The following STK32B variants were observed in gnomAD, a reference collection of about 807,000 sequenced individuals.
STK32B encodes the protein serine/threonine kinase 32B, also known as serine/threonine-protein kinase 32B.
In STK32B, 43 loss-of-function variants were observed where a neutral mutation model predicts 52.6. The ratio of observed to expected loss-of-function variants is 0.82; its 90% CI spans 0.64 to 1.05. The LOEUF is 1.05. Ranked by LOEUF, STK32B falls within the 50% of genes least tolerant of loss-of-function variation. The pLI is 0.00. For missense variants in STK32B, 621 were observed against 534.6 expected (o/e 1.16, Z -1.59); for synonymous variants, 238 against 204.3 (o/e 1.17, Z -1.41).
At chr4:5,365,437 C>T (rs553229717) in intron 4 of STK32B, among the ~76,000 whole-genome samples, 2 of 152,128 alleles carry the variant, frequency 1.3e-5, no homozygotes, top group South Asian at 4.2e-4. Context: ...GCAATTAGAA[C>T]CTCTAACATT....
At chr4:5,354,265 A>G (rs1477235914) in intron 4 of STK32B, among the ~76,000 whole-genome samples, 1 of 152,130 alleles carries the variant, frequency 6.6e-6, no homozygotes, top group Non-Finnish European at 1.5e-5. Context: ...GAAGAAAAAT[A>G]GATCTATGTG....
At chr4:5,494,600 G>T (rs995268660) in intron 11 of STK32B, among the ~76,000 whole-genome samples, 18 of 152,260 alleles carry the variant, frequency 1.2e-4, no homozygotes, top group Non-Finnish European at 2.4e-4. Flanking sequence ...TGTTATGTGT[G>T]AATTTGATCC....
chr4:5,147,664 A>G (rs774865323), intron 2 of STK32B, among the ~76,000 whole-genome samples: 8 of 152,090 alleles, frequency 5.3e-5, no homozygotes, highest in Non-Finnish European at 7.4e-5. Flanking sequence ...CTTTTTGTGC[A>G]TTGGTTGAAA....
intron 4 of STK32B, among the ~76,000 whole-genome samples, chr4:5,362,097 A>G (rs1314653132): frequency 6.6e-6 from 1 of 152,194 alleles, no homozygotes; most frequent in Non-Finnish European, 1.5e-5. Flanking sequence ...GAGAGACTTC[A>G]TCATCATCAA....
intron 3 of STK32B, among the ~76,000 whole-genome samples, chr4:5,188,287 C>T (rs961874068): frequency 2.6e-5 from 4 of 152,100 alleles, no homozygotes; most frequent in Admixed American, 6.6e-5. Flanking sequence ...CCCAAAGAGC[C>T]GCAGAAATAG....
Position 5,403,771 on chromosome 4 carries a change from A to G in STK32B, c.472+5527A>G, listed in dbSNP as rs377547763. 8.5e-5 allele frequency among the ~76,000 whole-genome samples: 13 copies of G among 152,150 alleles called. 1 individual carries two copies. Among genetic ancestry groups the G allele is most frequent in the East Asian group, 5.8e-4 (3 of 5,184 alleles). The stretch of plus-strand genomic sequence containing the variant: ...TGCCAGGAGGAAGAGACTCCAGGAA[A>G]TTAAAAAATTAGGCATGTACTGCTT... On this transcript the variant is annotated intron_variant, in intron 5 of 11. Coordinates refer to ENST00000282908, the MANE Select transcript of STK32B (RefSeq NM_018401.3).
intron 4 of STK32B, among the ~76,000 whole-genome samples, chr4:5,338,822 A>T (rs1023812167): frequency 6.6e-6 from 1 of 152,210 alleles, no homozygotes; most frequent in Non-Finnish European, 1.5e-5. Context: ...AATGTTTTAA[A>T]GTCTACTAGG....
intron 3 of STK32B, among the ~76,000 whole-genome samples, chr4:5,322,828 A>C (rs1731605510): frequency 6.6e-6 from 1 of 152,214 alleles, no homozygotes; most frequent in Admixed American, 6.5e-5. Context: ...TTCCAACTCC[A>C]GATTTCCCCC....
At chr4:5,334,212 C>T (rs1469050192) in intron 4 of STK32B, among the ~76,000 whole-genome samples, 3 of 151,816 alleles carry the variant, frequency 2.0e-5, no homozygotes, top group East Asian at 1.9e-4. Context: ...AAGTTGGATT[C>T]CTAGGTATTT....
the STK32B span, among the ~76,000 whole-genome samples, chr4:5,044,726 G>A: frequency 6.6e-6 from 1 of 152,144 alleles, no homozygotes; most frequent in Non-Finnish European, 1.5e-5. Flanking sequence ...GGGAAACACA[G>A]TGAGACCCCT....
At chr4:5,451,921 TCGCC>T (rs1317380158) in intron 7 of STK32B, among the ~76,000 whole-genome samples, 24 of 152,112 alleles carry the variant, frequency 1.6e-4, no homozygotes, top group Non-Finnish European at 3.2e-4. Flanking sequence ...CAAGGAACCC[TCGCC>T]CCTTTCACAT....
At chr4:5,134,276 G>A (rs938142272) in intron 1 of STK32B, among the ~76,000 whole-genome samples, 3 of 152,216 alleles carry the variant, frequency 2.0e-5, no homozygotes, top group African/African-American at 7.2e-5. Context: ...GTTGAGAGGA[G>A]AGGCCTAATA....
intron 4 of STK32B, among the ~76,000 whole-genome samples, chr4:5,392,271 C>G (rs1736635979): frequency 6.6e-6 from 1 of 151,982 alleles, no homozygotes. Context: ...ACTAAAAATA[C>G]AAAATTTAGT....
intron 1 of STK32B, among the ~76,000 whole-genome samples, chr4:5,099,454 G>GCACA (rs1553823535): frequency 5.4e-5 from 7 of 129,744 alleles, no homozygotes; most frequent in East Asian, 3.9e-4. Flanking sequence ...GTGTGTGCGC[G>GCACA]CGCGCGTATG....
chr4:5,095,893 C>G (rs1713363341), intron 1 of STK32B, among the ~76,000 whole-genome samples: 1 of 152,044 alleles, frequency 6.6e-6, no homozygotes, highest in Non-Finnish European at 1.5e-5. Flanking sequence ...ATTAATCATT[C>G]AAAGTAGTGT....
At chr4:5,285,476 G>C (rs1315960925) in intron 3 of STK32B, among the ~76,000 whole-genome samples, 1 of 152,080 alleles carries the variant, frequency 6.6e-6, no homozygotes, top group African/African-American at 2.4e-5. Flanking sequence ...TGAAAGACAG[G>C]ACATAATAGG....
intron 3 of STK32B, among the ~76,000 whole-genome samples, chr4:5,243,982 A>G (rs1000495079): frequency 6.6e-6 from 1 of 152,094 alleles, no homozygotes; most frequent in African/African-American, 2.4e-5. Flanking sequence ...TCAGTTTGCC[A>G]GTATTTTATT....
chr4:5,031,880 T>C, the STK32B span, among the ~76,000 whole-genome samples: 3 of 152,186 alleles, frequency 2.0e-5, no homozygotes, highest in African/African-American at 7.2e-5. Flanking sequence ...ACAGAGTGGC[T>C]GCTCACTCAA....
intron 7 of STK32B, among the ~76,000 whole-genome samples, chr4:5,454,932 G>T (rs1252496032): frequency 2.6e-5 from 4 of 152,134 alleles, no homozygotes; most frequent in African/African-American, 9.7e-5. Context: ...ATTGAAGAAA[G>T]ATTTTTTAAG....
Sources: gnomAD v4.1 joint callset for allele counts (sites outside exome capture counted in the v4.1 genomes callset) on GRCh38, gnomAD v4.1.1 for gene constraint, MANE v1.5 for transcripts, NCBI Gene and HGNC (gene_info 2026-07-23, HGNC 2026-07-21) for gene names.